The following KLHL25 variants were observed in gnomAD, a reference collection of about 807,000 sequenced individuals.
KLHL25 encodes kelch-like protein 25.
A neutral mutation model predicts 30.0 loss-of-function variants in KLHL25; 41 were observed. That is an observed-to-expected ratio of 1.37 (90% confidence interval 1.07 to 1.78). The LOEUF (loss-of-function observed/expected upper bound fraction) is 1.78. KLHL25 is among the 40% of genes most tolerant of loss of function. The probability of loss-of-function intolerance (pLI) is 0.00; values close to 1 mark genes in which losing one functional copy is unlikely to be tolerated. For synonymous variants in KLHL25, 399 were observed against 355.3 expected, an observed-to-expected ratio of 1.12 and a Z score of -1.38; for missense variants, 971 against 824.5, an observed-to-expected ratio of 1.18 and a Z score of -2.18.
rs866527236 is a variant in KLHL25, at chr15:85,760,463, G to C, written c.*573C>G. 1 of 152,202 alleles carries C rather than the reference G, an allele frequency of 6.6e-6. No individual in the cohort carries two copies. Among genetic ancestry groups the C allele is most frequent in the South Asian group, 2.1e-4 (1 of 4,836 alleles). 9.4% of individuals were successfully genotyped at this position (152,202 alleles called of 1,614,324 possible). ...AGGTCTGGGTGTCCTTTGCTAATAA[G>C]GCCTCATGGATGTCACTGAGGCCCC... is the stretch of plus-strand genomic sequence containing the variant. On this transcript the variant is annotated 3_prime_UTR_variant, in exon 3 of 3. Coordinates refer to ENST00000337975, the MANE Select transcript of KLHL25 (RefSeq NM_022480.4).
At chr15:85,774,756 G>A (rs1016206741) in intron 1 of KLHL25, among the ~76,000 whole-genome samples, 26 of 152,108 alleles carry the variant, frequency 1.7e-4, no homozygotes, top group African/African-American at 6.3e-4. Context: ...CTCAGCCTGC[G>A]TAGTACCCAG....
intron 1 of KLHL25, among the ~76,000 whole-genome samples, chr15:85,778,177 A>G (rs1465638693): frequency 6.6e-6 from 1 of 152,238 alleles, no homozygotes; most frequent in Admixed American, 6.5e-5. Flanking sequence ...CCATGTCACC[A>G]GTCACTATGC....
chr15:85,782,945 C>T (rs1459866898), intron 1 of KLHL25, among the ~76,000 whole-genome samples: 1 of 152,126 alleles, frequency 6.6e-6, no homozygotes, highest in Non-Finnish European at 1.5e-5. Flanking sequence ...TTAATAAATA[C>T]TGCTGAATGA....
At chr15:85,779,039 CCAA>C (rs988468968) in intron 1 of KLHL25, among the ~76,000 whole-genome samples, 24 of 150,250 alleles carry the variant, frequency 1.6e-4, no homozygotes, top group Admixed American at 1.4e-4. Context: ...CAGCTCCTCA[CCAA>C]CAATTTTTTT....
At chr15:85,782,276 T>A (rs1352599416) in intron 1 of KLHL25, among the ~76,000 whole-genome samples, 2 of 152,094 alleles carry the variant, frequency 1.3e-5, no homozygotes, top group Non-Finnish European at 2.9e-5. Flanking sequence ...CACTGCATCA[T>A]CCTTCCTGGG....
intron 1 of KLHL25, among the ~76,000 whole-genome samples, chr15:85,776,156 G>T (rs942284973): frequency 2.8e-5 from 4 of 144,642 alleles, no homozygotes; most frequent in African/African-American, 1.0e-4. Context: ...CTGGGCGACA[G>T]AGCGAGACTC....
At chr15:85,765,814 G>C (rs1462113189) in intron 2 of KLHL25, among the ~76,000 whole-genome samples, 3 of 144,002 alleles carry the variant, frequency 2.1e-5, no homozygotes, top group Non-Finnish European at 4.5e-5. Flanking sequence ...CTGGGTGACA[G>C]AGCGAGACTG....
rs2089572996 is a variant in KLHL25, at chr15:85,760,312, G to A, written c.*724C>T. ...CCAGGGCACTCGGAGCCTTGAGTCT[G>A]CTGCAGGCCCAGCTCCACTGAGTGG... On this transcript the variant is annotated 3_prime_UTR_variant, in exon 3 of 3. Coordinates refer to ENST00000337975, the MANE Select transcript of KLHL25 (RefSeq NM_022480.4). 6.6e-6 allele frequency: 1 copy of A among 152,254 alleles called. No individual in the cohort carries two copies. The highest frequency in any genetic ancestry group is 1.5e-5 in the Non-Finnish European group (1 of 68,092). 9.4% of individuals were successfully genotyped at this position (152,254 alleles called of 1,614,324 possible).
At chr15:85,775,199 C>A (rs2089701943) in intron 1 of KLHL25, among the ~76,000 whole-genome samples, 1 of 152,166 alleles carries the variant, frequency 6.6e-6, no homozygotes, top group Admixed American at 6.5e-5. Flanking sequence ...TTAGGTTTGC[C>A]AGTGTACCTG....
At chr15:85,782,220 G>A (rs1197468155) in intron 1 of KLHL25, among the ~76,000 whole-genome samples, 1 of 152,128 alleles carries the variant, frequency 6.6e-6, no homozygotes, top group Non-Finnish European at 1.5e-5. Flanking sequence ...TAAATAGCCA[G>A]TCATTCATAT....
intron 1 of KLHL25, among the ~76,000 whole-genome samples, chr15:85,788,560 A>G (rs2089796469): frequency 6.6e-6 from 1 of 152,066 alleles, no homozygotes. Flanking sequence ...GAGGAAACCA[A>G]CAGTCCACTT....
intron 2 of KLHL25, among the ~76,000 whole-genome samples, chr15:85,765,100 T>C (rs1389135140): frequency 6.6e-6 from 1 of 152,100 alleles, no homozygotes; most frequent in African/African-American, 2.4e-5. Flanking sequence ...AGACCAGAGA[T>C]GGTCTCAGCT....
chr15:85,777,447 T>C (rs1004573187), intron 1 of KLHL25, among the ~76,000 whole-genome samples: 3 of 152,106 alleles, frequency 2.0e-5, no homozygotes, highest in Non-Finnish European at 4.4e-5. Context: ...AGAGGATTAC[T>C]CTACACATGG....
At chr15:85,778,223 C>T (rs1483304303) in intron 1 of KLHL25, among the ~76,000 whole-genome samples, 2 of 152,224 alleles carry the variant, frequency 1.3e-5, no homozygotes, top group Non-Finnish European at 2.9e-5. Flanking sequence ...AAGCATAGCA[C>T]TGACAATTAA....
intron 1 of KLHL25, among the ~76,000 whole-genome samples, chr15:85,775,250 A>G (rs1273361806): frequency 6.6e-6 from 1 of 152,124 alleles, no homozygotes; most frequent in Non-Finnish European, 1.5e-5. Flanking sequence ...GCACCTTTGG[A>G]AACTCGGAAA....
intron 1 of KLHL25, among the ~76,000 whole-genome samples, chr15:85,783,148 G>A (rs1208988995): frequency 6.6e-6 from 1 of 152,162 alleles, no homozygotes; most frequent in African/African-American, 2.4e-5. Flanking sequence ...CGCCCAAGCT[G>A]GAGTGCAGCA....
At position 85,785,562 on chromosome 15, in the gene KLHL25, T is replaced by C. The variant is rs543902311; in HGVS notation, c.-11+9204A>G. Among the ~76,000 whole-genome samples the C allele has an allele frequency of 4.9e-5, 7 of 143,430 alleles. No individual in the cohort carries two copies. In the South Asian group the frequency reaches 1.3e-3, roughly 26 times the overall value. The allele number at this position is 143,430 out of a possible 152,430, so 94.1% of individuals were successfully genotyped here. The stretch of plus-strand genomic sequence containing the variant: ...ATTATCTGAGCAAAACCCAGCAAAG[T>C]CCTTTTTTTTTTTTTCCACCTAGAG... On this transcript the variant is annotated intron_variant, in intron 1 of 2. Transcript: ENST00000337975.
rs2089659533 is a variant in KLHL25 at position 85,769,885 on chromosome 15, A to C, written c.-10-65T>G. On this transcript the variant is annotated intron_variant, in intron 1 of 2. Transcript: ENST00000337975. ...CTGCCCATCTGCCCTCTCAGGGCTC[A>C]CTCTTCAGCACAAGCCCCCTTGTCC... The C allele has an allele frequency of 3.1e-6, 4 of 1,308,826 alleles. No individual in the cohort carries two copies. The East Asian group carries it at 9.9e-5, about 32-fold the overall frequency. 81.1% of individuals were successfully genotyped at this position (1,308,826 alleles called of 1,614,324 possible).
chr15:85,787,451 A>G (rs1475015184), intron 1 of KLHL25, among the ~76,000 whole-genome samples: 3 of 152,204 alleles, frequency 2.0e-5, no homozygotes, highest in East Asian at 1.9e-4. Flanking sequence ...AGTCTCAAAA[A>G]AAAATTAGGT....
Sources: gnomAD v4.1 joint callset for allele counts (sites outside exome capture counted in the v4.1 genomes callset) on GRCh38, gnomAD v4.1.1 for gene constraint, MANE v1.5 for transcripts, NCBI Gene and HGNC (gene_info 2026-07-23, HGNC 2026-07-21) for gene names.